APOLD1: variants seen among roughly 807,000 people sequenced by gnomAD.
APOLD1 encodes apolipoprotein L domain-containing protein 1.
In APOLD1, 22 loss-of-function variants were observed where a neutral mutation model predicts 15.3. That is an observed-to-expected ratio of 1.44 (90% CI 1.03 to 2.05). APOLD1 has a LOEUF of 2.05. Among genes scored for constraint, APOLD1 ranks in the 30% most tolerant of loss-of-function variants. APOLD1 has a pLI of 0.00. For synonymous variants in APOLD1, 190 were observed against 167.4 expected (o/e 1.13, Z -1.04); for missense variants, 394 against 353.5 (o/e 1.11, Z -0.92).
At chr12:12,736,096 C>CT (rs1416966492) in intron 1 of APOLD1, among the ~76,000 whole-genome samples, 1 of 152,120 alleles carries the variant, frequency 6.6e-6, no homozygotes, top group African/African-American at 2.4e-5. Context: ...TGGTTCATGC[C>CT]TGTAATCCCA....
intron 1 of APOLD1, among the ~76,000 whole-genome samples, chr12:12,730,139 C>T (rs1276550593): frequency 6.6e-6 from 1 of 151,580 alleles, no homozygotes; most frequent in Non-Finnish European, 1.5e-5. Flanking sequence ...GTATTGAACT[C>T]CTAGTCTCAA....
At chr12:12,743,044 G>A (rs900500699) in intron 1 of APOLD1, among the ~76,000 whole-genome samples, 2 of 152,236 alleles carry the variant, frequency 1.3e-5, no homozygotes, top group Admixed American at 6.5e-5. Context: ...GAGCCACCGC[G>A]CCCCGCCATG....
At chr12:12,780,931 A>G (rs1027054427), upstream of APOLD1, among the ~76,000 whole-genome samples, 1 of 151,348 alleles carries the variant, frequency 6.6e-6, no homozygotes, top group Admixed American at 6.6e-5. Context: ...ATATTTAGTC[A>G]CTGAGATATA....
upstream of APOLD1, among the ~76,000 whole-genome samples, chr12:12,783,663 G>A (rs1482565525): frequency 2.2e-5 from 3 of 139,004 alleles, no homozygotes; most frequent in Non-Finnish European, 4.6e-5. Context: ...TTTGAGACAA[G>A]GTCTCTATCA....
chr12:12,734,522 T>C (rs975757508), intron 1 of APOLD1, among the ~76,000 whole-genome samples: 2 of 152,208 alleles, frequency 1.3e-5, no homozygotes, highest in Non-Finnish European at 2.9e-5. Flanking sequence ...TCCTGTAAAG[T>C]GGGGAAGTTA....
At chr12:12,726,177 AAAAG>A in intron 1 of APOLD1, 5 of 932,798 alleles carry the variant, frequency 5.4e-6, no homozygotes, top group South Asian at 1.9e-5. Flanking sequence ...AAAAAAAAAA[AAAAG>A]AGGAAATAGA....
intron 1 of APOLD1, among the ~76,000 whole-genome samples, chr12:12,767,029 G>T (rs11055053): frequency 0.17 from 25,438 of 151,200 alleles, 3,309 homozygotes; most frequent in African/African-American, 0.35. Flanking sequence ...GTGGATCACC[G>T]GAGGTCAGGA....
intron 1 of APOLD1, among the ~76,000 whole-genome samples, chr12:12,735,814 G>A (rs148840474): frequency 1.6e-3 from 238 of 150,152 alleles, no homozygotes; most frequent in African/African-American, 5.8e-3. Context: ...AGGCATGGTG[G>A]TGAGCACCTG....
rs777589191 is a variant in APOLD1 at position 12,787,485 on chromosome 12, G to A, written c.580G>A (p.Val194Met). Residue 194 changes from valine (V) to methionine (M), a missense_variant, in exon 2 of 2, where the codon GTG becomes ATG. Physicochemically the swap from Val to Met is conservative, Grantham distance 21. Coordinates refer to ENST00000356591, the MANE Select transcript of APOLD1 (RefSeq NM_030817.3). The surrounding 1 kb of genome is among the most constrained non-coding windows in gnomAD (Gnocchi z 4.9). ...GGGGGACACCAAGGTTAGCCAGGCC[G>A]TGCTGAAGGCCAAGATTCAGAAACT... The part of the protein sequence containing the change: ...AEGDTKVSQA[V>M]LKAKIQKLAE... 1.2e-6 allele frequency: 2 copies of A among 1,614,050 alleles called. No homozygotes were observed. The highest frequency in any genetic ancestry group is 2.2e-5 in the East Asian group (1 of 44,898).
chr12:12,737,999 C>A (rs1167898222), intron 1 of APOLD1, among the ~76,000 whole-genome samples: 5 of 152,156 alleles, frequency 3.3e-5, no homozygotes, highest in Non-Finnish European at 5.9e-5. Context: ...CTGTTTCCTG[C>A]TTTTCTTCTC....
At chr12:12,734,637 A>T (rs1592288931) in intron 1 of APOLD1, among the ~76,000 whole-genome samples, 1 of 152,344 alleles carries the variant, frequency 6.6e-6, no homozygotes, top group Middle Eastern at 3.4e-3. Context: ...TTTTTCAGGG[A>T]AGCTAGAGTC....
chr12:12,733,956 G>A (rs1223867942), intron 1 of APOLD1, among the ~76,000 whole-genome samples: 1 of 152,172 alleles, frequency 6.6e-6, no homozygotes, highest in Non-Finnish European at 1.5e-5. Context: ...CATGGAATCA[G>A]AGTTTTTATG....
chr12:12,779,036 T>C (rs1385245314), intron 1 of APOLD1, among the ~76,000 whole-genome samples: 1 of 152,194 alleles, frequency 6.6e-6, no homozygotes, highest in Non-Finnish European at 1.5e-5. Context: ...CTTCCCACTT[T>C]ATGTTCAGCA....
At chr12:12,772,631 C>T (rs1946997895) in intron 1 of APOLD1, among the ~76,000 whole-genome samples, 1 of 152,202 alleles carries the variant, frequency 6.6e-6, no homozygotes, top group Non-Finnish European at 1.5e-5. Context: ...CATCAATCAA[C>T]TGGATGTAAT....
At chr12:12,731,095 C>T (rs929790572) in intron 1 of APOLD1, among the ~76,000 whole-genome samples, 9 of 152,096 alleles carry the variant, frequency 5.9e-5, no homozygotes, top group African/African-American at 9.7e-5. Context: ...GGGCCGAGAT[C>T]GCACCACTGC....
intron 1 of APOLD1, among the ~76,000 whole-genome samples, chr12:12,775,952 T>A (rs1947028477): frequency 7.6e-6 from 1 of 131,838 alleles, no homozygotes; most frequent in Admixed American, 9.6e-5. Flanking sequence ...TACAGTGAGC[T>A]ATGATCATGC....
At chr12:12,781,401 G>A (rs1184686513), upstream of APOLD1, among the ~76,000 whole-genome samples, 2 of 152,108 alleles carry the variant, frequency 1.3e-5, no homozygotes, top group South Asian at 2.1e-4. Context: ...CTGAGATCGC[G>A]TCATTGCCTA....
chr12:12,786,941 TG>T lies in APOLD1; in HGVS notation c.39del (p.Asp15ThrfsTer40), dbSNP rs1565439065. On this transcript the variant is annotated frameshift_variant, in exon 2 of 2. Coordinates refer to ENST00000356591, the MANE Select transcript of APOLD1 (RefSeq NM_030817.3). LOFTEE classifies it high-confidence loss of function. ...AGAGGCCGGCGGCCCGGGAGCCGCA[TG>T]GGCCCGACGCGCTGCGGCGCTTCCA... Reference protein sequence around the residue: ...MERPAAREPHGPDALRRFQGL... With the variant: ...MERPAAREPHXPDALRRFQGL... 3 of 1,458,766 alleles carry T rather than the reference TG, an allele frequency of 2.1e-6. No homozygotes were observed. The highest frequency in any genetic ancestry group is 1.8e-6 in the Non-Finnish European group (2 of 1,113,894). 90.4% of individuals were successfully genotyped at this position (1,458,766 alleles called of 1,614,324 possible).
chr12:12,767,795 C>CT (rs111735680), intron 1 of APOLD1, among the ~76,000 whole-genome samples: 54 of 147,764 alleles, frequency 3.7e-4, no homozygotes, highest in Admixed American at 4.7e-4. Context: ...AATCCTATGC[C>CT]TTTTTTTTTT....
Sources: gnomAD v4.1 joint callset for allele counts (sites outside exome capture counted in the v4.1 genomes callset) on GRCh38, gnomAD v4.1.1 for gene constraint, Gnocchi (gnomAD v3.1) non-coding constraint, MANE v1.5 for transcripts, NCBI Gene and HGNC (gene_info 2026-07-23, HGNC 2026-07-21) for gene names.